Variants in OSBPL10 observed in about 807,000 individuals in gnomAD.
OSBPL10 encodes oxysterol-binding protein-related protein 10.
Under a neutral mutation model 81.7 loss-of-function variants are expected in OSBPL10, and 49 were observed. The observed-to-expected ratio is 0.60, with a 90% CI of 0.48 to 0.76. The LOEUF (loss-of-function observed/expected upper bound fraction) is 0.76, where lower values mean the gene tolerates loss of function less well. Among genes scored for constraint, OSBPL10 ranks in the 30% least tolerant of loss-of-function variants. OSBPL10 has a pLI of 0.00. For missense variants in OSBPL10, 923 were observed against 987.8 expected (o/e 0.93, Z 0.88); for synonymous variants, 419 against 383.6 (o/e 1.09, Z -1.08).
intron 3 of OSBPL10, among the ~76,000 whole-genome samples, chr3:31,866,293 G>A (rs74389377): frequency 0.024 from 3,670 of 152,186 alleles, 60 homozygotes; most frequent in Middle Eastern, 0.075. Flanking sequence ...CCCAAGTAAA[G>A]TTTCTCAATG....
chr3:31,861,225 C>T (rs1701050476), intron 3 of OSBPL10, among the ~76,000 whole-genome samples: 2 of 151,916 alleles, frequency 1.3e-5, no homozygotes, highest in South Asian at 4.2e-4. Context: ...TACAGTCATC[C>T]CCTTGGTGTC....
intron 1 of OSBPL10, among the ~76,000 whole-genome samples, chr3:31,962,939 T>C (rs1051782357): frequency 4.6e-5 from 7 of 152,236 alleles, no homozygotes; most frequent in Non-Finnish European, 7.3e-5. Context: ...TGACTTGCTT[T>C]CAATCAAAAG....
chr3:32,008,780 A>G (rs981757050), intron 2 of OSBPL10, among the ~76,000 whole-genome samples: 3 of 151,488 alleles, frequency 2.0e-5, no homozygotes, highest in African/African-American at 7.3e-5. Context: ...AAAAAAAAGA[A>G]GAACAAAAAA....
intron 1 of OSBPL10, among the ~76,000 whole-genome samples, chr3:31,915,852 G>C (rs1243869687): frequency 6.6e-6 from 1 of 152,134 alleles, no homozygotes; most frequent in Non-Finnish European, 1.5e-5. Flanking sequence ...CCAGCACTTT[G>C]GGAGGACGAG....
At chr3:31,908,479 C>T (rs552831201) in intron 1 of OSBPL10, among the ~76,000 whole-genome samples, 32 of 152,280 alleles carry the variant, frequency 2.1e-4, no homozygotes, top group Non-Finnish European at 4.6e-4. Flanking sequence ...CCTTCTCTTG[C>T]ACCTGCAGCC....
At chr3:31,804,683 G>A (rs1392368953) in intron 4 of OSBPL10, among the ~76,000 whole-genome samples, 2 of 152,170 alleles carry the variant, frequency 1.3e-5, no homozygotes, top group Admixed American at 6.5e-5. Flanking sequence ...CCTACCAAAC[G>A]CGCTTCATGA....
intron 2 of OSBPL10, among the ~76,000 whole-genome samples, chr3:31,877,677 G>C (rs1418292864): frequency 1.3e-5 from 2 of 152,002 alleles, no homozygotes; most frequent in Non-Finnish European, 2.9e-5. Flanking sequence ...GAACTTTCAG[G>C]AGAAGAAATC....
chr3:31,913,185 T>C (rs1696641142), intron 1 of OSBPL10, among the ~76,000 whole-genome samples: 1 of 152,058 alleles, frequency 6.6e-6, no homozygotes, highest in Admixed American at 6.6e-5. Flanking sequence ...TGTAGGCTTT[T>C]GTAAAGGGAG....
chr3:31,854,393 G>A (rs548713235), intron 3 of OSBPL10, among the ~76,000 whole-genome samples: 96 of 152,154 alleles, frequency 6.3e-4, no homozygotes, highest in African/African-American at 2.3e-3. Context: ...CATTTTCTTA[G>A]CCACTCAGTT....
chr3:32,061,807 T>C (rs1413237350), intron 1 of OSBPL10, among the ~76,000 whole-genome samples: 1 of 91,268 alleles, frequency 1.1e-5, no homozygotes, highest in African/African-American at 2.8e-5. Flanking sequence ...CCTGACTTAT[T>C]TTTTTATTTT....
intron 5 of OSBPL10, among the ~76,000 whole-genome samples, 188 bp from the exon 6 acceptor site, chr3:31,733,599 A>G (rs1230726120): frequency 6.6e-6 from 1 of 151,958 alleles, no homozygotes; most frequent in Non-Finnish European, 1.5e-5. Flanking sequence ...GTTTCTGTAT[A>G]ATATCAAGAT....
At chr3:32,026,092 T>TAGATA (rs1553649758) in intron 2 of OSBPL10, among the ~76,000 whole-genome samples, 1 of 137,730 alleles carries the variant, frequency 7.3e-6, no homozygotes, top group East Asian at 2.1e-4. Flanking sequence ...GATAGATAGA[T>TAGATA]GATAGATAGA....
chr3:31,948,933 C>T (rs1402677282), intron 1 of OSBPL10, among the ~76,000 whole-genome samples: 2 of 152,146 alleles, frequency 1.3e-5, no homozygotes, highest in African/African-American at 4.8e-5. Flanking sequence ...GCGAAATTAA[C>T]TTTGTAATAA....
Position 31,830,100 on chromosome 3 carries a change from C to A in OSBPL10, c.669G>T (p.Ser223=), listed in dbSNP as rs74377137. 2 of 1,614,018 alleles carry A rather than the reference C, an allele frequency of 1.2e-6. No individual in the cohort carries two copies. The highest frequency in any genetic ancestry group is 1.1e-5 in the South Asian group (1 of 91,062). Residue 223 remains serine, a synonymous_variant, in exon 4 of 12, where the codon TCG becomes TCT. Coordinates refer to ENST00000396556, the MANE Select transcript of OSBPL10 (RefSeq NM_017784.5). ...PGVVTITHHK[S]PAAARRAKSQ... ...TCTTGGCTCTTCGGGCGGCTGCAGG[C>A]GACTTGTGATGCGTGATTGTGACAA...
At chr3:31,777,149 ACT>A in intron 4 of OSBPL10, among the ~76,000 whole-genome samples, 1 of 152,298 alleles carries the variant, frequency 6.6e-6, no homozygotes, top group Middle Eastern at 3.4e-3. Flanking sequence ...TTCATTTAAA[ACT>A]CACATTGTGA....
At chr3:31,925,777 C>T (rs577389285) in intron 1 of OSBPL10, among the ~76,000 whole-genome samples, 4 of 152,156 alleles carry the variant, frequency 2.6e-5, no homozygotes, top group Non-Finnish European at 5.9e-5. Context: ...TGTGCCACTG[C>T]ACTCCAGCCT....
chr3:31,965,758 AT>A (rs1559535264), intron 1 of OSBPL10, among the ~76,000 whole-genome samples: 820 of 53,158 alleles, frequency 0.015, 32 homozygotes, highest in Middle Eastern at 0.043. Context: ...TATATATTAT[AT>A]TAAAAGATAA....
intron 1 of OSBPL10, among the ~76,000 whole-genome samples, chr3:31,900,140 C>CA (rs1327738068): frequency 6.6e-6 from 1 of 151,490 alleles, no homozygotes; most frequent in Admixed American, 6.6e-5. Context: ...ATCCTCACCT[C>CA]AACTTCCCCA....
At chr3:31,783,819 AAAAAATATATATATATATATATATAT>A (rs1698783111) in intron 4 of OSBPL10, among the ~76,000 whole-genome samples, 2 of 46,978 alleles carry the variant, frequency 4.3e-5, no homozygotes, top group African/African-American at 1.1e-4. Flanking sequence ...AAAAAAAAAA[AAAAAATATATATATATATATATATAT>A]ATATATATAT....
Sources: gnomAD v4.1 joint callset for allele counts (sites outside exome capture counted in the v4.1 genomes callset) on GRCh38, gnomAD v4.1.1 for gene constraint, MANE v1.5 for transcripts, NCBI Gene and HGNC (gene_info 2026-07-23, HGNC 2026-07-21) for gene names.